NCAM1: variants seen among roughly 807,000 people sequenced by gnomAD.
NCAM1 encodes neural cell adhesion molecule 1.
A neutral mutation model predicts 109.8 loss-of-function variants in NCAM1; 14 were observed. The observed-to-expected ratio is 0.13, with a 90% CI of 0.08 to 0.20. The LOEUF is 0.20. Among genes scored for constraint, NCAM1 ranks in the 10% least tolerant of loss-of-function variants. NCAM1 has a pLI of 1.00. For synonymous variants in NCAM1, 418 were observed against 442.9 expected (o/e 0.94, Z 0.70); for missense variants, 774 against 1,109.9 (o/e 0.70, Z 4.30).
intron 1 of NCAM1, among the ~76,000 whole-genome samples, chr11:113,124,308 A>G (rs1242724903): frequency 1.3e-5 from 2 of 152,144 alleles, no homozygotes; most frequent in Non-Finnish European, 2.9e-5. Flanking sequence ...TTTCTCAATC[A>G]TTAGTACTCT....
chr11:113,072,832 T>C lies in NCAM1; in HGVS notation c.52+111168T>C, dbSNP rs546882498. ...TTTTACATTGTTTTTTATTTTTTTT[T>C]TCATTTTTTTGACTATGGTAAACTA... On this transcript the variant is annotated intron_variant, in intron 1 of 19. Coordinates refer to ENST00000316851, the MANE Select transcript of NCAM1 (RefSeq NM_181351.5). Among the ~76,000 whole-genome samples, 1,386 of 151,726 alleles carry C rather than the reference T, an allele frequency of 9.1e-3. 17 individuals carry two copies. The highest frequency in any genetic ancestry group is 0.031 in the African/African-American group (1,296 of 41,296).
Position 113,273,112 on chromosome 11 carries a change from C to T in NCAM1, c.2456+1236C>T. The T allele has an allele frequency of 4.4e-6, 2 of 454,354 alleles. No individual in the cohort carries two copies. 28.1% of individuals were successfully genotyped at this position (454,354 alleles called of 1,614,324 possible). A position where few individuals can be genotyped will look rare whatever the true frequency, so the allele number is the denominator to read the frequency against. On this transcript the variant is annotated intron_variant, in intron 19 of 19. Coordinates refer to ENST00000316851, the MANE Select transcript of NCAM1 (RefSeq NM_181351.5). The surrounding 1 kb of genome is among the most constrained non-coding windows in gnomAD (Gnocchi z 6.0). ...GCCACGGCCACGCCTGACTCAAACT[C>T]TGTACCGGCTGGCCAGGCCACCCCT...
intron 1 of NCAM1, among the ~76,000 whole-genome samples, chr11:112,988,176 GCCCCACCT>G (rs1951358930): frequency 6.6e-6 from 1 of 151,976 alleles, no homozygotes; most frequent in African/African-American, 2.4e-5. Flanking sequence ...ACACTTTTAT[GCCCCACCT>G]CCCAGCCTTA....
At chr11:113,191,424 T>A (rs1359187831) in intron 1 of NCAM1, among the ~76,000 whole-genome samples, 1 of 152,218 alleles carries the variant, frequency 6.6e-6, no homozygotes, top group African/African-American at 2.4e-5. Flanking sequence ...GCCTGCCAGT[T>A]CACCCAGTAG....
chr11:113,027,915 A>G (rs1952599148), intron 1 of NCAM1, among the ~76,000 whole-genome samples: 1 of 152,232 alleles, frequency 6.6e-6, no homozygotes, highest in Non-Finnish European at 1.5e-5. Flanking sequence ...GAAAGGAAGG[A>G]CATAATGTTA....
chr11:113,157,897 C>T lies in NCAM1; in HGVS notation c.53-44482C>T, dbSNP rs115377936. On this transcript the variant is annotated intron_variant, in intron 1 of 19. Coordinates refer to ENST00000316851, the MANE Select transcript of NCAM1 (RefSeq NM_181351.5). ...TCAATAGAAATGTATGAAGAAAATC[C>T]AGCCTCACACAGATATGTAGGGAGG... Among the ~76,000 whole-genome samples the T allele has an allele frequency of 8.1e-3, 1,231 of 152,036 alleles. 17 individuals are homozygous for T. The highest frequency in any genetic ancestry group is 0.028 in the African/African-American group (1,171 of 41,484).
At chr11:113,078,535 T>G (rs1182141348) in intron 1 of NCAM1, among the ~76,000 whole-genome samples, 1 of 152,094 alleles carries the variant, frequency 6.6e-6, no homozygotes, top group Non-Finnish European at 1.5e-5. Flanking sequence ...AAAGCTTTGG[T>G]CAAATAGCTG....
At chr11:113,086,369 T>C (rs1228400552) in intron 1 of NCAM1, among the ~76,000 whole-genome samples, 2 of 152,250 alleles carry the variant, frequency 1.3e-5, no homozygotes, top group Non-Finnish European at 2.9e-5. Flanking sequence ...CCCCTCAGAC[T>C]CCCTGCCAAT....
chr11:113,134,006 A>T lies in NCAM1; in HGVS notation c.53-68373A>T, dbSNP rs187890157. On this transcript the variant is annotated intron_variant, in intron 1 of 19. Coordinates refer to ENST00000316851, the MANE Select transcript of NCAM1 (RefSeq NM_181351.5). Reference sequence around the variant, plus strand: ...TCGGTGGCAAAAAAAAAACATATAAAATTGACCATGTTAATCATTTTTAAG... The same window carrying T: ...TCGGTGGCAAAAAAAAAACATATAATATTGACCATGTTAATCATTTTTAAG... The T allele has an allele frequency of 7.2e-5, 11 of 152,228 alleles. No individual in the cohort carries two copies. The East Asian group carries it at 2.1e-3, about 29-fold the overall frequency. 9.4% of individuals were successfully genotyped at this position (152,228 alleles called of 1,614,324 possible).
chr11:113,012,913 G>T lies in NCAM1; in HGVS notation c.52+51249G>T, dbSNP rs373280405. Among the ~76,000 whole-genome samples, 17 of 152,274 alleles carry T rather than the reference G, an allele frequency of 1.1e-4. No individual in the cohort carries two copies. In the East Asian group the frequency reaches 1.9e-3, roughly 17 times the overall value. On this transcript the variant is annotated intron_variant, in intron 1 of 19. Transcript: ENST00000316851. ...CTCTCCTAGTTTTTAGGAGATAGAT[G>T]CTGAAGTATTTAGGGGAAAAGGATA...
chr11:112,988,797 G>A (rs558975868), intron 1 of NCAM1, among the ~76,000 whole-genome samples: 3 of 144,938 alleles, frequency 2.1e-5, no homozygotes, highest in Non-Finnish European at 3.0e-5. Flanking sequence ...TGCCCAGGCC[G>A]AAGTGCAGTG....
rs781992081 is a variant in NCAM1, at chr11:113,232,288, G to A, written c.1359G>A (p.Gln453=). Residue 453 remains glutamine (Q), a synonymous_variant, in exon 11 of 20, where the codon CAG becomes CAA. Coordinates refer to ENST00000316851, the MANE Select transcript of NCAM1 (RefSeq NM_181351.5). ...SATISWFRDG[Q]LLPSSNYSNI... ...CGATCTCATGGTTTCGGGATGGCCA[G>A]CTGCTGCCAAGCTCCAATTACAGCA... The A allele has an allele frequency of 1.2e-6, 2 of 1,613,906 alleles. No individual in the cohort carries two copies. Among genetic ancestry groups the A allele is most frequent in the South Asian group, 1.1e-5 (1 of 91,066 alleles).
chr11:113,043,848 G>T (rs1358206726), intron 1 of NCAM1, among the ~76,000 whole-genome samples: 2 of 151,926 alleles, frequency 1.3e-5, no homozygotes, highest in African/African-American at 4.8e-5. Flanking sequence ...CAGCCTCCAG[G>T]GCCATGCTCC....
At position 113,064,901 on chromosome 11, in the gene NCAM1, T is replaced by C. The variant is rs138483585; in HGVS notation, c.52+103237T>C. On this transcript the variant is annotated intron_variant, in intron 1 of 19. Coordinates refer to ENST00000316851, the MANE Select transcript of NCAM1 (RefSeq NM_181351.5). The stretch of plus-strand genomic sequence containing the variant: ...TAGAATATTTATAGGTATGTGTATA[T>C]ACACAGGTTAGTATACATACATATA... Among the ~76,000 whole-genome samples, 155 of 152,344 alleles carry C rather than the reference T, an allele frequency of 1.0e-3. 1 individual carries two copies. The highest frequency in any genetic ancestry group is 3.4e-3 in the Middle Eastern group (1 of 294).
intron 16 of NCAM1, among the ~76,000 whole-genome samples, chr11:113,259,938 A>G (rs1945940069): frequency 6.6e-6 from 1 of 151,338 alleles, no homozygotes; most frequent in Non-Finnish European, 1.5e-5. Flanking sequence ...TCCTGACCTC[A>G]AGTGATCCAC....
intron 1 of NCAM1, among the ~76,000 whole-genome samples, chr11:113,058,817 C>T (rs1331074657): frequency 6.6e-6 from 1 of 152,194 alleles, no homozygotes; most frequent in Admixed American, 6.5e-5. Flanking sequence ...GGCCTTTTTC[C>T]TGAAGCCACT....
chr11:113,248,283 A>G (rs781395609), intron 15 of NCAM1, among the ~76,000 whole-genome samples: 4 of 151,136 alleles, frequency 2.6e-5, no homozygotes, highest in Non-Finnish European at 4.4e-5. Context: ...AGCTATGATT[A>G]CGCCCTCCTG....
At chr11:113,088,072 A>G (rs2135736057) in intron 1 of NCAM1, among the ~76,000 whole-genome samples, 1 of 152,356 alleles carries the variant, frequency 6.6e-6, no homozygotes, top group Non-Finnish European at 1.5e-5. Context: ...TCAACAAAAC[A>G]AATGGTTCTG....
chr11:113,262,698 C>T, intron 17 of NCAM1: 5 of 826,912 alleles, frequency 6.0e-6, no homozygotes, highest in South Asian at 2.3e-5. Context: ...CTGTTTCTGT[C>T]TCTACCTTCC....
Sources: allele counts gnomAD v4.1 joint callset (sites outside exome capture counted in the v4.1 genomes callset), GRCh38; gene constraint gnomAD v4.1.1; non-coding constraint Gnocchi (gnomAD v3.1); transcripts MANE v1.5; gene names NCBI Gene and HGNC (gene_info 2026-07-23, HGNC 2026-07-21).